Variants in ZPLD1 observed in about 807,000 individuals in gnomAD.
The protein encoded by ZPLD1 is zona pellucida-like domain-containing protein 1.
A neutral mutation model predicts 47.2 loss-of-function variants in ZPLD1; 34 were observed. The observed-to-expected ratio is 0.72, with a 90% CI of 0.55 to 0.96. The LOEUF (loss-of-function observed/expected upper bound fraction) is 0.96. Among genes scored for constraint, ZPLD1 ranks in the 40% least tolerant of loss-of-function variants. ZPLD1 has a pLI of 0.00. For synonymous variants in ZPLD1, 176 were observed against 186.2 expected, an observed-to-expected ratio of 0.95 and a Z score of 0.45; for missense variants, 512 against 505.8, an observed-to-expected ratio of 1.01 and a Z score of -0.12.
intron 10 of ZPLD1, among the ~76,000 whole-genome samples, chr3:102,475,977 A>C (rs1233847712): frequency 6.6e-6 from 1 of 152,140 alleles, no homozygotes; most frequent in Non-Finnish European, 1.5e-5. Flanking sequence ...TTATTTTAGA[A>C]AAAGGCCTCT....
At chr3:102,391,061 T>A (rs1706489912) in intron 6 of ZPLD1, among the ~76,000 whole-genome samples, 1 of 152,152 alleles carries the variant, frequency 6.6e-6, no homozygotes, top group Non-Finnish European at 1.5e-5. Flanking sequence ...TTGCTTTTGG[T>A]ATGCTGATAT....
intron 4 of ZPLD1, 71 bp from the exon 5 acceptor site, chr3:102,456,122 A>C: frequency 7.8e-7 from 1 of 1,282,030 alleles, no homozygotes; most frequent in Non-Finnish European, 1.1e-6. Context: ...TTAATGTTTT[A>C]TTTTGCATAT....
chr3:102,414,005 C>CTT (rs1706776059), intron 7 of ZPLD1, among the ~76,000 whole-genome samples: 1 of 151,554 alleles, frequency 6.6e-6, no homozygotes, highest in African/African-American at 2.4e-5. Flanking sequence ...ACCATTGCTG[C>CTT]CTTGAGGAGA....
At chr3:102,400,011 G>C (rs985351029) in intron 7 of ZPLD1, among the ~76,000 whole-genome samples, 1 of 151,930 alleles carries the variant, frequency 6.6e-6, no homozygotes, top group Non-Finnish European at 1.5e-5. Context: ...TAGAGATGGG[G>C]TTTTGCCATG....
chr3:102,420,420 G>T (rs1269744712), intron 8 of ZPLD1, among the ~76,000 whole-genome samples: 1 of 151,892 alleles, frequency 6.6e-6, no homozygotes, highest in Non-Finnish European at 1.5e-5. Flanking sequence ...TAAAGGGCCA[G>T]ATCACAAATA....
intron 7 of ZPLD1, among the ~76,000 whole-genome samples, chr3:102,401,979 T>G (rs1355383529): frequency 1.3e-5 from 2 of 152,094 alleles, no homozygotes; most frequent in Non-Finnish European, 1.5e-5. Context: ...AAGGCTATCC[T>G]CATAATAAAT....
At chr3:102,469,269 T>C in intron 9 of ZPLD1, 134 bp downstream of exon 9, 1 of 966,264 alleles carries the variant, frequency 1.0e-6, no homozygotes, top group Non-Finnish European at 1.5e-6. Flanking sequence ...GATTTATTCA[T>C]TTGTCTAGTA....
rs1276301391 is a variant in ZPLD1 at position 102,478,676 on chromosome 3, C to CATGAATA, written c.*1060_*1066dup. The stretch of plus-strand genomic sequence containing the variant: ...ATCTTCTTGTAGGTGTCATAATTGC[C>CATGAATA]ATGAATAAACAATATTTTCCTCTAA... On this transcript the variant is annotated 3_prime_UTR_variant, in exon 12 of 12. Transcript: ENST00000466937. 1 of 152,072 alleles carries CATGAATA rather than the reference C, an allele frequency of 6.6e-6. No individual in the cohort carries two copies. Among genetic ancestry groups the CATGAATA allele is most frequent in the Non-Finnish European group, 1.5e-5 (1 of 68,020 alleles). The allele number at this position is 152,072 out of a possible 1,614,324, so 9.4% of individuals were successfully genotyped here. A position where few individuals can be genotyped will look rare whatever the true frequency, so the allele number is the denominator to read the frequency against.
intron 3 of ZPLD1, 55 bp from the exon 4 acceptor site, chr3:102,452,864 A>G: frequency 6.3e-7 from 1 of 1,576,204 alleles, no homozygotes; most frequent in Non-Finnish European, 8.7e-7. Flanking sequence ...TGTTAATGTT[A>G]TTTATCTTTC....
intron 10 of ZPLD1, among the ~76,000 whole-genome samples, chr3:102,474,402 T>A (rs1374227075): frequency 6.6e-6 from 1 of 152,180 alleles, no homozygotes; most frequent in Non-Finnish European, 1.5e-5. Context: ...TACTTGTTTG[T>A]CCCTTCTTGG....
At chr3:102,398,327 AGGTCTAG>A (rs1706580083) in intron 7 of ZPLD1, among the ~76,000 whole-genome samples, 1 of 152,122 alleles carries the variant, frequency 6.6e-6, no homozygotes, top group Non-Finnish European at 1.5e-5. Flanking sequence ...TAGGCAGCAG[AGGTCTAG>A]GGAATTAGCG....
chr3:102,405,907 T>C (rs962741189), intron 7 of ZPLD1, among the ~76,000 whole-genome samples: 1 of 151,946 alleles, frequency 6.6e-6, no homozygotes, highest in South Asian at 2.1e-4. Flanking sequence ...AGTGAAAGAG[T>C]TGGGCTGTAT....
At chr3:102,408,370 A>G (rs1190874059) in intron 7 of ZPLD1, among the ~76,000 whole-genome samples, 2 of 151,932 alleles carry the variant, frequency 1.3e-5, no homozygotes, top group African/African-American at 2.4e-5. Context: ...CTTATTTGTC[A>G]GAACTGGATC....
chr3:102,445,832 G>A (rs1707248071), intron 3 of ZPLD1, among the ~76,000 whole-genome samples: 1 of 151,450 alleles, frequency 6.6e-6, no homozygotes, highest in Non-Finnish European at 1.5e-5. Flanking sequence ...TTTTTAATGG[G>A]GTAAGATAAC....
At chr3:102,439,624 A>T (rs1707144968) in intron 3 of ZPLD1, among the ~76,000 whole-genome samples, 1 of 152,218 alleles carries the variant, frequency 6.6e-6, no homozygotes, top group Non-Finnish European at 1.5e-5. Flanking sequence ...AGAGGTTAGT[A>T]GAAAGAGCAC....
intron 3 of ZPLD1, among the ~76,000 whole-genome samples, chr3:102,442,372 T>C (rs1707194171): frequency 1.3e-5 from 2 of 150,452 alleles, no homozygotes; most frequent in Non-Finnish European, 3.0e-5. Flanking sequence ...ACAGTTACAA[T>C]TTTAAAATTT....
chr3:102,393,075 G>A (rs1407574345), intron 7 of ZPLD1, among the ~76,000 whole-genome samples: 1 of 151,976 alleles, frequency 6.6e-6, no homozygotes, highest in African/African-American at 2.4e-5. Flanking sequence ...ATATGAATTT[G>A]TCAACACAAA....
chr3:102,402,442 T>C (rs560029332), intron 7 of ZPLD1, among the ~76,000 whole-genome samples: 15 of 152,166 alleles, frequency 9.9e-5, no homozygotes, highest in African/African-American at 3.6e-4. Context: ...TATTGATATA[T>C]CAGTAATTTA....
chr3:102,455,499 G>A (rs1707399229), intron 4 of ZPLD1, among the ~76,000 whole-genome samples: 2 of 152,142 alleles, frequency 1.3e-5, no homozygotes, highest in African/African-American at 4.8e-5. Context: ...AACTAGAGAG[G>A]AAGACCCTGA....
Sources: gnomAD v4.1 joint callset for allele counts (sites outside exome capture counted in the v4.1 genomes callset) on GRCh38, gnomAD v4.1.1 for gene constraint, MANE v1.5 for transcripts, NCBI Gene and HGNC (gene_info 2026-07-23, HGNC 2026-07-21) for gene names.